CDH12: variants seen among roughly 807,000 people sequenced by gnomAD.
CDH12 encodes the protein cadherin-12.
Under a neutral mutation model 74.1 loss-of-function variants are expected in CDH12, and 41 were observed. The ratio of observed to expected loss-of-function variants is 0.55; its 90% CI spans 0.43 to 0.72. The LOEUF is 0.72. CDH12 is among the 30% of genes least tolerant of loss of function. The probability of loss-of-function intolerance (pLI) is 0.00; values close to 1 mark genes in which losing one functional copy is unlikely to be tolerated. For synonymous variants in CDH12, 399 were observed against 355.0 expected, an observed-to-expected ratio of 1.12 and a Z score of -1.39; for missense variants, 945 against 977.2, an observed-to-expected ratio of 0.97 and a Z score of 0.44.
chr5:22,689,762 C>G (rs1377500961), intron 1 of CDH12, among the ~76,000 whole-genome samples: 1 of 151,914 alleles, frequency 6.6e-6, no homozygotes. Flanking sequence ...AGATAAGGAG[C>G]TGAGTTGGAA....
chr5:22,635,168 A>G (rs1331985238), intron 1 of CDH12, among the ~76,000 whole-genome samples: 3 of 152,182 alleles, frequency 2.0e-5, no homozygotes, highest in African/African-American at 7.2e-5. Context: ...AAGGAATAAA[A>G]TTGAGAGTCT....
chr5:22,447,985 T>TAAAAAAAAA (rs10660558), intron 2 of CDH12, among the ~76,000 whole-genome samples: 2 of 84,466 alleles, frequency 2.4e-5, no homozygotes, highest in Admixed American at 1.9e-4. Flanking sequence ...TACAAGAAAT[T>TAAAAAAAAA]AAAAAAAAAA....
At chr5:21,883,282 C>G in intron 6 of CDH12, 1 of 1,420,874 alleles carries the variant, frequency 7.0e-7, no homozygotes. Flanking sequence ...TTTATTAATA[C>G]ATCAAAAGGT....
At chr5:22,254,830 T>A (rs908204206) in intron 3 of CDH12, among the ~76,000 whole-genome samples, 1 of 151,870 alleles carries the variant, frequency 6.6e-6, no homozygotes, top group Non-Finnish European at 1.5e-5. Context: ...GTGTAATGAT[T>A]AAATTAGGAC....
chr5:21,944,946 A>G (rs1382165094), intron 6 of CDH12, among the ~76,000 whole-genome samples: 1 of 152,154 alleles, frequency 6.6e-6, no homozygotes, highest in African/African-American at 2.4e-5. Context: ...GAAGATAAAC[A>G]TGCACACCCA....
intron 4 of CDH12, among the ~76,000 whole-genome samples, chr5:22,163,127 C>T (rs1427711465): frequency 1.3e-5 from 2 of 151,980 alleles, no homozygotes; most frequent in Admixed American, 1.3e-4. Flanking sequence ...GTGATCCGCC[C>T]ACCTCGGCCT....
At chr5:22,764,909 C>T (rs923453276) in intron 1 of CDH12, among the ~76,000 whole-genome samples, 3 of 151,866 alleles carry the variant, frequency 2.0e-5, no homozygotes, top group Admixed American at 6.6e-5. Context: ...AGAGATAAGA[C>T]GACGGAATGC....
chr5:22,117,185 T>G (rs1392090044), intron 4 of CDH12, among the ~76,000 whole-genome samples: 2 of 151,054 alleles, frequency 1.3e-5, no homozygotes, highest in African/African-American at 2.4e-5. Context: ...ACTGTTTAGG[T>G]GCTATGACTC....
At chr5:22,307,873 G>GTCTTTTTTT (rs1738181952) in intron 3 of CDH12, among the ~76,000 whole-genome samples, 1 of 68,658 alleles carries the variant, frequency 1.5e-5, no homozygotes, top group African/African-American at 6.5e-5. Context: ...CTTTCTTTTA[G>GTCTTTTTTT]TTTTTTTTTT....
intron 1 of CDH12, among the ~76,000 whole-genome samples, chr5:22,668,279 A>G (rs1020083451): frequency 6.6e-6 from 1 of 152,186 alleles, no homozygotes; most frequent in African/African-American, 2.4e-5. Flanking sequence ...GGTACACTAG[A>G]AGCCCAACCC....
At chr5:22,076,674 A>G (rs1004280213) in intron 5 of CDH12, among the ~76,000 whole-genome samples, 4 of 152,190 alleles carry the variant, frequency 2.6e-5, no homozygotes, top group Non-Finnish European at 4.4e-5. Context: ...TAGAAATGTT[A>G]GTGATTGTTA....
intron 11 of CDH12, chr5:21,774,271 C>A (rs1333664204): frequency 6.6e-6 from 1 of 152,134 alleles, no homozygotes; most frequent in Non-Finnish European, 1.5e-5. Flanking sequence ...AGTCTTCCTG[C>A]CTTCATCATT....
chr5:21,810,856 TTA>T (rs1181723255), intron 9 of CDH12, among the ~76,000 whole-genome samples: 9 of 152,292 alleles, frequency 5.9e-5, no homozygotes, highest in Admixed American at 6.5e-5. Context: ...CCAAATTTTA[TTA>T]TCATTTTGTT....
At chr5:22,591,761 ATAT>A (rs1010316993) in intron 1 of CDH12, among the ~76,000 whole-genome samples, 16 of 152,240 alleles carry the variant, frequency 1.1e-4, no homozygotes, top group Admixed American at 4.6e-4. Context: ...TAGATATTGT[ATAT>A]TATTATCTAT....
intron 1 of CDH12, among the ~76,000 whole-genome samples, chr5:22,810,235 G>A (rs1453487500): frequency 1.3e-5 from 2 of 152,072 alleles, no homozygotes; most frequent in Admixed American, 6.6e-5. Flanking sequence ...AATCATTTTA[G>A]TATTTTATTC....
chr5:22,036,237 T>C (rs1739178952), intron 5 of CDH12, among the ~76,000 whole-genome samples: 1 of 152,136 alleles, frequency 6.6e-6, no homozygotes, highest in Non-Finnish European at 1.5e-5. Context: ...ACCTACTGCT[T>C]ATGGTGATTG....
chr5:22,138,908 C>G (rs1340881158), intron 4 of CDH12, among the ~76,000 whole-genome samples: 1 of 127,582 alleles, frequency 7.8e-6, no homozygotes, highest in African/African-American at 2.9e-5. Flanking sequence ...CATGAAGATA[C>G]TAGCTTTGAA....
At chr5:22,220,901 G>T (rs1436969851) in intron 3 of CDH12, among the ~76,000 whole-genome samples, 1 of 151,514 alleles carries the variant, frequency 6.6e-6, no homozygotes, top group African/African-American at 2.4e-5. Flanking sequence ...ATCAAAATGG[G>T]TACAAACCAA....
chr5:21,860,393 T>C (rs1750982353), intron 6 of CDH12, among the ~76,000 whole-genome samples: 1 of 152,048 alleles, frequency 6.6e-6, no homozygotes, highest in Non-Finnish European at 1.5e-5. Flanking sequence ...TTGGGGATTA[T>C]GTATGACTTC....
Sources: gnomAD v4.1 joint callset for allele counts (sites outside exome capture counted in the v4.1 genomes callset) on GRCh38, gnomAD v4.1.1 for gene constraint, MANE v1.5 for transcripts, NCBI Gene and HGNC (gene_info 2026-07-23, HGNC 2026-07-21) for gene names.